ADARB2: variants seen among roughly 807,000 people sequenced by gnomAD.
ADARB2 encodes the protein inactive double-stranded RNA-specific editase B2.
Under a neutral mutation model 62.2 loss-of-function variants are expected in ADARB2, and 25 were observed. The ratio of observed to expected loss-of-function variants is 0.40; its 90% CI spans 0.29 to 0.56. The LOEUF (loss-of-function observed/expected upper bound fraction) is 0.56. Ranked by LOEUF, ADARB2 falls within the 20% of genes least tolerant of loss-of-function variation. The pLI is 0.43. For missense variants in ADARB2, 1,071 were observed against 1,077.4 expected (o/e 0.99, Z 0.08); for synonymous variants, 572 against 500.8 (o/e 1.14, Z -1.90).
In ADARB2 at chr10:1,335,135, T is replaced by C. The variant is rs75648730; in HGVS notation, c.1077+27893A>G. 0.014 allele frequency among the ~76,000 whole-genome samples: 2,067 copies of C among 152,194 alleles called. 72 individuals are homozygous for C. In the East Asian group the frequency reaches 0.14, roughly 10 times the overall value. ...CTCAGGGGCAATGGGTTTGTCTTATTTGTCTCTGTGTGTTCCAGCTACCTG... is the reference window on the plus strand; with the variant it reads ...CTCAGGGGCAATGGGTTTGTCTTATCTGTCTCTGTGTGTTCCAGCTACCTG... On this transcript the variant is annotated intron_variant, in intron 3 of 9. Transcript: ENST00000381312.
chr10:1,233,122 G>A (rs1015120766), intron 6 of ADARB2, among the ~76,000 whole-genome samples: 8 of 152,110 alleles, frequency 5.3e-5, no homozygotes, highest in African/African-American at 1.9e-4. Flanking sequence ...TCCGACCCTG[G>A]CAATCGCAGC....
At chr10:1,621,232 C>CA (rs1247462875) in intron 1 of ADARB2, among the ~76,000 whole-genome samples, 1 of 151,942 alleles carries the variant, frequency 6.6e-6, no homozygotes, top group African/African-American at 2.4e-5. Context: ...ATAGAATCAA[C>CA]AAAAAATATA....
intron 1 of ADARB2, among the ~76,000 whole-genome samples, chr10:1,508,395 C>A (rs188628316): frequency 6.6e-6 from 1 of 152,218 alleles, no homozygotes; most frequent in East Asian, 1.9e-4. Context: ...TGGGGAGAAC[C>A]CAGTAAACCT....
At chr10:1,389,116 T>C (rs1019768542) in intron 1 of ADARB2, among the ~76,000 whole-genome samples, 2 of 152,260 alleles carry the variant, frequency 1.3e-5, no homozygotes, top group East Asian at 3.9e-4. Flanking sequence ...GAGCCCTACC[T>C]CACATCATAT....
chr10:1,425,142 TTTAAG>T (rs759883500), intron 1 of ADARB2, among the ~76,000 whole-genome samples: 12 of 152,092 alleles, frequency 7.9e-5, no homozygotes, highest in Non-Finnish European at 1.5e-4. Context: ...TCCATGGTAT[TTTAAG>T]TCTTTCTGGT....
chr10:1,639,686 C>CA (rs1564354931), intron 1 of ADARB2, among the ~76,000 whole-genome samples: 2 of 152,176 alleles, frequency 1.3e-5, no homozygotes, highest in East Asian at 3.9e-4. Context: ...TACTAAAATA[C>CA]AAAAAATTAG....
chr10:1,275,167 A>T (rs1489459161), intron 3 of ADARB2, among the ~76,000 whole-genome samples: 1 of 152,238 alleles, frequency 6.6e-6, no homozygotes, highest in Non-Finnish European at 1.5e-5. Flanking sequence ...TCCACAGATG[A>T]AGGCCTCCTT....
intron 1 of ADARB2, among the ~76,000 whole-genome samples, chr10:1,464,999 G>T (rs1831235326): frequency 6.6e-6 from 1 of 152,236 alleles, no homozygotes; most frequent in South Asian, 2.1e-4. Context: ...ACAGTGACAT[G>T]TTTTCCTATC....
At position 1,229,573 on chromosome 10, in the gene ADARB2, C is replaced by T. The variant is rs147497124; in HGVS notation, c.1513+4121G>A. The stretch of plus-strand genomic sequence containing the variant: ...CATTTTTAAAAGAAGGGGGAACAAT[C>T]TTGGGCACCAAACTTCTTTTTGACT... On this transcript the variant is annotated intron_variant, in intron 6 of 9. Transcript: ENST00000381312. Among the ~76,000 whole-genome samples, 239 of 144,366 alleles carry T rather than the reference C, an allele frequency of 1.7e-3. 1 individual carries two copies. Among genetic ancestry groups the T allele is most frequent in the African/African-American group, 5.0e-3 (198 of 39,220 alleles). 94.7% of individuals were successfully genotyped at this position (144,366 alleles called of 152,430 possible).
intron 3 of ADARB2, among the ~76,000 whole-genome samples, chr10:1,285,008 A>G (rs1295316263): frequency 1.3e-5 from 2 of 152,126 alleles, no homozygotes; most frequent in Non-Finnish European, 2.9e-5. Flanking sequence ...GGGACGAGAG[A>G]GGCTGGACTG....
intron 1 of ADARB2, among the ~76,000 whole-genome samples, chr10:1,724,202 C>T (rs745875960): frequency 2.0e-5 from 3 of 152,138 alleles, no homozygotes; most frequent in Non-Finnish European, 4.4e-5. Flanking sequence ...CATGCATGTG[C>T]CTGTGTGTCC....
At chr10:1,446,875 G>C (rs546512376) in intron 1 of ADARB2, among the ~76,000 whole-genome samples, 2 of 152,262 alleles carry the variant, frequency 1.3e-5, no homozygotes, top group African/African-American at 4.8e-5. Context: ...TTAGGCCCCG[G>C]GAGGGTTGAT....
chr10:1,651,965 A>G (rs1297738954), intron 1 of ADARB2, among the ~76,000 whole-genome samples: 1 of 152,196 alleles, frequency 6.6e-6, no homozygotes, highest in Non-Finnish European at 1.5e-5. Flanking sequence ...GAGAAAAACG[A>G]CACTATAAAT....
At chr10:1,415,595 T>G (rs1832795351) in intron 1 of ADARB2, among the ~76,000 whole-genome samples, 1 of 152,232 alleles carries the variant, frequency 6.6e-6, no homozygotes, top group East Asian at 1.9e-4. Context: ...TGAGTATGTG[T>G]CATGAAATGA....
Position 1,638,545 on chromosome 10 carries a change from A to C in ADARB2, c.100+98506T>G, listed in dbSNP as rs543423861. Among the ~76,000 whole-genome samples, 4 of 152,048 alleles carry C rather than the reference A, an allele frequency of 2.6e-5. No homozygotes were observed. In the South Asian group the frequency reaches 8.3e-4, roughly 32 times the overall value. ...TCAGGCCAATTATAGCGAAGGATAC[A>C]TATTTCAGGTGAACCTTTATTGAGT... On this transcript the variant is annotated intron_variant, in intron 1 of 9. Coordinates refer to ENST00000381312, the MANE Select transcript of ADARB2 (RefSeq NM_018702.4).
chr10:1,289,691 G>T (rs544009107), intron 3 of ADARB2, among the ~76,000 whole-genome samples: 6 of 152,356 alleles, frequency 3.9e-5, no homozygotes, highest in Admixed American at 3.9e-4. Flanking sequence ...CCTCGCTTTG[G>T]TCTATGCAGG....
At chr10:1,431,559 T>C (rs980810158) in intron 1 of ADARB2, among the ~76,000 whole-genome samples, 1 of 151,472 alleles carries the variant, frequency 6.6e-6, no homozygotes, top group African/African-American at 2.4e-5. Flanking sequence ...TATAAAACTA[T>C]AAAAAACAAG....
intron 1 of ADARB2, among the ~76,000 whole-genome samples, chr10:1,728,170 T>A (rs1445436495): frequency 6.7e-6 from 1 of 149,596 alleles, no homozygotes; most frequent in Non-Finnish European, 1.5e-5. Flanking sequence ...AGAAGATAGA[T>A]TTTTTTTATT....
At chr10:1,202,004 G>A (rs1005786072) in intron 7 of ADARB2, among the ~76,000 whole-genome samples, 6 of 152,136 alleles carry the variant, frequency 3.9e-5, no homozygotes, top group Non-Finnish European at 8.8e-5. Context: ...TTTCCTTGAT[G>A]TTCACCGATA....
Sources: gnomAD v4.1 joint callset for allele counts (sites outside exome capture counted in the v4.1 genomes callset) on GRCh38, gnomAD v4.1.1 for gene constraint, MANE v1.5 for transcripts, NCBI Gene and HGNC (gene_info 2026-07-23, HGNC 2026-07-21) for gene names.